SECISBP2: variants seen among roughly 807,000 people sequenced by gnomAD.
SECISBP2 encodes SECIS binding protein 2.
In SECISBP2, 96 loss-of-function variants were observed where a neutral mutation model predicts 98.2. That is an observed-to-expected ratio of 0.98 (90% CI 0.83 to 1.16). SECISBP2 has a LOEUF of 1.16. SECISBP2 is among the 50% of genes most tolerant of loss of function. The pLI is 0.00. For missense variants in SECISBP2, 1,046 were observed against 1,022.9 expected (o/e 1.02, Z -0.31); for synonymous variants, 407 against 370.2 (o/e 1.10, Z -1.14).
chr9:89,331,624 A>G (rs1196248871), intron 5 of SECISBP2, among the ~76,000 whole-genome samples: 1 of 152,202 alleles, frequency 6.6e-6, no homozygotes, highest in Non-Finnish European at 1.5e-5. Flanking sequence ...TTAATATGTG[A>G]GACAGCCTTC....
downstream of SECISBP2, chr9:89,363,439 C>T (rs1200340116): frequency 6.2e-7 from 1 of 1,613,470 alleles, no homozygotes; most frequent in Non-Finnish European, 8.5e-7. Flanking sequence ...CCCACGCCTT[C>T]CTCCAGCTCT....
chr9:89,357,647 A>ACT, intron 15 of SECISBP2, 82 bp downstream of exon 15: 1 of 1,555,676 alleles, frequency 6.4e-7, no homozygotes, highest in Non-Finnish European at 8.9e-7. Context: ...GCTCACCCAC[A>ACT]GAGCAGCCCC....
chr9:89,320,505 C>T (rs533979439), intron 2 of SECISBP2, among the ~76,000 whole-genome samples: 1 of 152,080 alleles, frequency 6.6e-6, no homozygotes, highest in South Asian at 2.1e-4. Flanking sequence ...TTAAGGTTAA[C>T]ATTTTAAAAT....
chr9:89,366,947 T>G, the SECISBP2 span, among the ~76,000 whole-genome samples: 1 of 152,104 alleles, frequency 6.6e-6, no homozygotes, highest in African/African-American at 2.4e-5. Flanking sequence ...TGGATTGGAT[T>G]AATCACCCAA....
chr9:89,342,697 T>A (rs1347648795), intron 10 of SECISBP2, among the ~76,000 whole-genome samples: 1 of 152,140 alleles, frequency 6.6e-6, no homozygotes, highest in African/African-American at 2.4e-5. Context: ...TGATTCCACC[T>A]AAAAGAAATA....
intron 2 of SECISBP2, 119 bp from the exon 3 acceptor site, chr9:89,325,308 C>T: frequency 1.1e-5 from 10 of 892,212 alleles, no homozygotes; most frequent in Non-Finnish European, 1.7e-5. Context: ...GGGATTATTC[C>T]AGTGCTAGAG....
intron 10 of SECISBP2, among the ~76,000 whole-genome samples, chr9:89,346,387 A>G (rs539355943): frequency 1.3e-5 from 2 of 152,336 alleles, no homozygotes; most frequent in East Asian, 1.9e-4. Flanking sequence ...AACTAGAAAT[A>G]TTACTAGAAT....
rs1280622487 is a variant in SECISBP2, at chr9:89,318,566, C to T, written c.-11C>T. On this transcript the variant is annotated 5_prime_UTR_variant, in exon 1 of 17. Coordinates refer to ENST00000375807, the MANE Select transcript of SECISBP2 (RefSeq NM_024077.5). ...GGCCTCCGTGACGCGGCCTCCTCCG[C>T]GCCTCGCGGCATGGCGTCGGAGGGG... 2.7e-6 allele frequency: 4 copies of T among 1,504,280 alleles called. No individual in the cohort carries two copies. In the East Asian group the frequency reaches 1.1e-4, roughly 41 times the overall value. The allele number at this position is 1,504,280 out of a possible 1,614,324, so 93.2% of individuals were successfully genotyped here.
At position 89,332,958 on chromosome 9, in the gene SECISBP2, C is replaced by T. The variant is rs375427767; in HGVS notation, c.852C>T (p.Ala284=). 74 of 1,613,726 alleles carry T rather than the reference C, an allele frequency of 4.6e-5. No homozygotes were observed. Among genetic ancestry groups the T allele is most frequent in the African/African-American group, 2.4e-4 (18 of 74,882 alleles). The change falls in exon 6 of 17, where the codon GCC becomes GCT. Residue 284 remains alanine (A), a synonymous_variant. Transcript: ENST00000375807. ...NNPNESVTAN[A]ATNSPSCTRE... ...CAAATGAATCTGTAACTGCTAATGC[C>T]GCTACCAATTCTCCTTCATGTACAA...
chr9:89,325,573 A>G lies in SECISBP2; in HGVS notation c.329A>G (p.Gln110Arg), dbSNP rs754858358. 5 of 1,614,152 alleles carry G rather than the reference A, an allele frequency of 3.1e-6. No homozygotes were observed. Among genetic ancestry groups the G allele is most frequent in the Non-Finnish European group, 4.2e-6 (5 of 1,180,016 alleles). ...TQNVYSVPGS[Q>R]YLYNQPSCYR... ...AATGTTTACTCAGTGCCTGGCTCCC[A>G]GTATCTTTATAACCAACCCAGTTGT... The change falls in exon 3 of 17, where the codon CAG (glutamine) becomes CGG (arginine). Residue 110 changes from glutamine to arginine, a missense_variant. Transcript: ENST00000375807.
chr9:89,357,842 C>T (rs142317950), intron 15 of SECISBP2, among the ~76,000 whole-genome samples, 157 bp from the exon 16 acceptor site: 2 of 152,194 alleles, frequency 1.3e-5, no homozygotes, highest in East Asian at 3.8e-4. Context: ...CCCACTCTTT[C>T]CTCTGGGGCA....
rs2132053195 is a variant in SECISBP2 at position 89,354,953 on chromosome 9, T to TCC, written c.2114-2455_2114-2454dup. ...CACTCCACCCCACCTCTGCCCTATCTCCCCTTTTCCCAGCCCATCTGGAAC... is the reference window on the plus strand; with the variant it reads ...CACTCCACCCCACCTCTGCCCTATCTCCCCCCTTTTCCCAGCCCATCTGGAAC... On this transcript the variant is annotated intron_variant, in intron 14 of 16. Transcript: ENST00000375807. 6 of 985,334 alleles carry TCC rather than the reference T, an allele frequency of 6.1e-6. No homozygotes were observed. In the South Asian group the frequency reaches 2.8e-4, roughly 46 times the overall value. 61.0% of individuals were successfully genotyped at this position (985,334 alleles called of 1,614,324 possible). A position where few individuals can be genotyped will look rare whatever the true frequency, so the allele number is the denominator to read the frequency against.
chr9:89,357,039 G>A, intron 14 of SECISBP2: 1 of 347,614 alleles, frequency 2.9e-6, no homozygotes, highest in Non-Finnish European at 5.6e-6. Context: ...TCGACCAGGG[G>A]TACAATGTGG....
Position 89,333,123 on chromosome 9 carries a change from G to T in SECISBP2, c.880+137G>T, listed in dbSNP as rs1462261557. The T allele has an allele frequency of 2.4e-5, 18 of 741,708 alleles. No homozygotes were observed. In the Admixed American group the frequency reaches 2.5e-4, roughly 10 times the overall value. 45.9% of individuals were successfully genotyped at this position (741,708 alleles called of 1,614,324 possible). A position where few individuals can be genotyped will look rare whatever the true frequency, so the allele number is the denominator to read the frequency against. The stretch of plus-strand genomic sequence containing the variant: ...ATGAATTGTGGGTAACCTAACATCA[G>T]TGTTAGTTTAGAAAGTTAAGTAGAT... On this transcript the variant is annotated intron_variant, in intron 6 of 16. Transcript: ENST00000375807.
chr9:89,330,046 T>A (rs2131651863), intron 5 of SECISBP2: 1 of 152,344 alleles, frequency 6.6e-6, no homozygotes, highest in East Asian at 1.9e-4. Context: ...TTCATTATGA[T>A]GTTGATGAAA....
chr9:89,346,203 T>C (rs934283010), intron 10 of SECISBP2, among the ~76,000 whole-genome samples: 1 of 152,206 alleles, frequency 6.6e-6, no homozygotes, highest in African/African-American at 2.4e-5. Flanking sequence ...GATAAAACTA[T>C]ATGAGAATTA....
At chr9:89,341,593 C>A in intron 10 of SECISBP2, 114 bp downstream of exon 10, 2 of 1,249,100 alleles carry the variant, frequency 1.6e-6, no homozygotes, top group Non-Finnish European at 1.2e-6. Flanking sequence ...CAGTGTGATG[C>A]TAGAATAAGC....
At chr9:89,363,716 A>G, downstream of SECISBP2, 2 of 1,606,926 alleles carry the variant, frequency 1.2e-6, no homozygotes, top group Non-Finnish European at 1.7e-6. Context: ...ATAAAAGGGT[A>G]ACAGTGGGCA....
Position 89,338,507 on chromosome 9 carries a change from A to G in SECISBP2, c.1139A>G (p.Lys380Arg). The G allele has an allele frequency of 6.2e-7, 1 of 1,613,610 alleles. No homozygotes were observed. Among genetic ancestry groups the G allele is most frequent in the Non-Finnish European group, 8.5e-7 (1 of 1,179,898 alleles). Residue 380 changes from lysine to arginine, a missense_variant, in exon 8 of 17, where the codon AAG (lysine) becomes AGG (arginine). By Grantham distance (26) the Lys-to-Arg change is conservative (BLOSUM62 2). Coordinates refer to ENST00000375807, the MANE Select transcript of SECISBP2 (RefSeq NM_024077.5). Reference sequence around the variant, plus strand: ...CTTGAACAAAATGAAGCCTCAAGAAAGAATAAGAAAAAGAAAGAAAAATCT... The same window carrying G: ...CTTGAACAAAATGAAGCCTCAAGAAGGAATAAGAAAAAGAAAGAAAAATCT... Reference protein sequence around the residue: ...SDLEQNEASRKNKKKKEKSTS... With the variant: ...SDLEQNEASRRNKKKKEKSTS...
Sources: gnomAD v4.1 joint callset for allele counts (sites outside exome capture counted in the v4.1 genomes callset) on GRCh38, gnomAD v4.1.1 for gene constraint, MANE v1.5 for transcripts, NCBI Gene and HGNC (gene_info 2026-07-23, HGNC 2026-07-21) for gene names.